Variants in LTBP1 observed in about 807,000 individuals in gnomAD.
LTBP1 encodes the protein latent-transforming growth factor beta-binding protein 1.
A neutral mutation model predicts 207.6 loss-of-function variants in LTBP1; 129 were observed. The ratio of observed to expected loss-of-function variants is 0.62; its 90% CI spans 0.54 to 0.72. The LOEUF is 0.72. LTBP1 is among the 30% of genes least tolerant of loss of function. The pLI is 0.00. For missense variants in LTBP1, 2,281 were observed against 2,217.2 expected (o/e 1.03, Z -0.58); for synonymous variants, 963 against 833.7 (o/e 1.16, Z -2.67).
chr2:33,165,454 A>G (rs550010037), intron 5 of LTBP1, among the ~76,000 whole-genome samples: 59 of 152,376 alleles, frequency 3.9e-4, no homozygotes, highest in Middle Eastern at 3.4e-3. Context: ...AATAGATTAT[A>G]GGACCATAAA....
intron 3 of LTBP1, among the ~76,000 whole-genome samples, chr2:33,099,299 CAG>C (rs1419757779): frequency 2.0e-5 from 3 of 152,190 alleles, no homozygotes; most frequent in Admixed American, 2.0e-4. Flanking sequence ...TTGAGAAAAA[CAG>C]AGTTTCTTGC....
chr2:33,100,039 G>A (rs919512278), intron 3 of LTBP1, among the ~76,000 whole-genome samples: 1 of 152,208 alleles, frequency 6.6e-6, no homozygotes, highest in Non-Finnish European at 1.5e-5. Flanking sequence ...GCAATGCAGT[G>A]GGAGAATAAT....
At chr2:32,981,199 G>T (rs1425345067) in intron 2 of LTBP1, among the ~76,000 whole-genome samples, 1 of 151,986 alleles carries the variant, frequency 6.6e-6, no homozygotes, top group East Asian at 1.9e-4. Flanking sequence ...CCTCTTTAAG[G>T]TCAGTAACTC....
rs2081991546 is a variant in LTBP1, at chr2:33,134,336, A to G, written c.1034-457A>G. 1 of 445,848 alleles carries G rather than the reference A, an allele frequency of 2.2e-6. No individual in the cohort carries two copies. The highest frequency in any genetic ancestry group is 4.6e-6 in the Non-Finnish European group (1 of 218,254). The allele number at this position is 445,848 out of a possible 1,614,324, so 27.6% of individuals were successfully genotyped here. On this transcript the variant is annotated intron_variant, in intron 4 of 33. Transcript: ENST00000404816. This position sits in a 1 kb window ranked among gnomAD's most constrained non-coding sequence, Gnocchi z 4.4. ...GGGTCGGGCTGCAAATAGTGACTTA[A>G]TAAGTGGAGAAACAGGGAAAGTATG...
intron 5 of LTBP1, among the ~76,000 whole-genome samples, chr2:33,157,071 T>C (rs1048109511): frequency 1.3e-5 from 2 of 152,228 alleles, no homozygotes; most frequent in Non-Finnish European, 2.9e-5. Flanking sequence ...ACTCCAGGCA[T>C]GCAGGGGAGG....
chr2:33,105,021 T>C (rs369403667), intron 3 of LTBP1, among the ~76,000 whole-genome samples: 1 of 152,206 alleles, frequency 6.6e-6, no homozygotes, highest in Non-Finnish European at 1.5e-5. Context: ...TGTTAGTTCT[T>C]CTTATAGTTA....
chr2:33,291,941 C>T (rs191572097), intron 19 of LTBP1, among the ~76,000 whole-genome samples: 3 of 152,292 alleles, frequency 2.0e-5, no homozygotes, highest in East Asian at 1.9e-4. Flanking sequence ...GATGCTGTCA[C>T]GTGTCTTTTC....
At chr2:33,261,110 G>A (rs1055361604) in intron 13 of LTBP1, among the ~76,000 whole-genome samples, 2 of 152,160 alleles carry the variant, frequency 1.3e-5, no homozygotes, top group African/African-American at 4.8e-5. Context: ...ACCGAATTAG[G>A]GACTGCTTTG....
At chr2:33,322,076 A>G (rs927690191) in intron 24 of LTBP1, among the ~76,000 whole-genome samples, 1 of 152,072 alleles carries the variant, frequency 6.6e-6, no homozygotes, top group Non-Finnish European at 1.5e-5. Context: ...TCCATATATC[A>G]ACATTTGTAT....
chr2:33,272,295 A>T (rs1331604931), intron 15 of LTBP1, among the ~76,000 whole-genome samples: 1 of 152,196 alleles, frequency 6.6e-6, no homozygotes, highest in African/African-American at 2.4e-5. Flanking sequence ...AGAATAGCCC[A>T]CCTGCTTTTC....
intron 9 of LTBP1, among the ~76,000 whole-genome samples, chr2:33,239,317 C>T (rs1379251583): frequency 6.6e-6 from 1 of 152,176 alleles, no homozygotes; most frequent in Admixed American, 6.5e-5. Context: ...CCTGCCTGAA[C>T]ACAAAAGCTC....
At chr2:33,126,284 G>C (rs2081430673) in intron 4 of LTBP1, among the ~76,000 whole-genome samples, 1 of 152,078 alleles carries the variant, frequency 6.6e-6, no homozygotes, top group African/African-American at 2.4e-5. Context: ...GCCAGGGTTA[G>C]TCTCGATCTC....
chr2:33,337,195 C>G (rs908004693), intron 24 of LTBP1, among the ~76,000 whole-genome samples: 1 of 152,118 alleles, frequency 6.6e-6, no homozygotes, highest in Non-Finnish European at 1.5e-5. Context: ...GGTTCGAGTT[C>G]TACTCTAGTA....
At chr2:33,273,506 C>A in intron 15 of LTBP1, 150 bp from the exon 16 acceptor site, 1 of 513,712 alleles carries the variant, frequency 1.9e-6, no homozygotes, top group Non-Finnish European at 3.4e-6. Context: ...TGAATTTATA[C>A]TTGATGTCAG....
intron 31 of LTBP1, among the ~76,000 whole-genome samples, chr2:33,380,761 C>T (rs2095204249): frequency 6.6e-6 from 1 of 152,082 alleles, no homozygotes; most frequent in Admixed American, 6.5e-5. Flanking sequence ...GTGAACTTCA[C>T]AGAACATGAA....
intron 28 of LTBP1, among the ~76,000 whole-genome samples, chr2:33,362,340 T>C (rs1279987357): frequency 6.6e-6 from 1 of 151,802 alleles, no homozygotes; most frequent in Non-Finnish European, 1.5e-5. Context: ...ATTTGTGTTC[T>C]TTTAAATACA....
chr2:32,993,421 A>T (rs1057213523), intron 2 of LTBP1, among the ~76,000 whole-genome samples: 2 of 151,350 alleles, frequency 1.3e-5, no homozygotes, highest in Non-Finnish European at 2.9e-5. Flanking sequence ...ATGCACACAC[A>T]CTCTCTCTCT....
chr2:33,329,336 T>C (rs1166361850), intron 24 of LTBP1, among the ~76,000 whole-genome samples: 3 of 152,312 alleles, frequency 2.0e-5, no homozygotes, highest in East Asian at 1.9e-4. Flanking sequence ...AAGAAACTTC[T>C]TCCAAATGAA....
intron 4 of LTBP1, among the ~76,000 whole-genome samples, chr2:33,120,771 T>C (rs1432904461): frequency 6.6e-6 from 1 of 152,182 alleles, no homozygotes; most frequent in East Asian, 1.9e-4. Flanking sequence ...ATTGCCAAAC[T>C]GCTTTCCACA....
Sources: gnomAD v4.1 joint callset for allele counts (sites outside exome capture counted in the v4.1 genomes callset) on GRCh38, gnomAD v4.1.1 for gene constraint, Gnocchi (gnomAD v3.1) non-coding constraint, MANE v1.5 for transcripts, NCBI Gene and HGNC (gene_info 2026-07-23, HGNC 2026-07-21) for gene names.